Variants in PANK4 observed in about 807,000 individuals in gnomAD.
PANK4 encodes the protein 4'-phosphopantetheine phosphatase.
A neutral mutation model predicts 87.9 loss-of-function variants in PANK4; 40 were observed. The observed-to-expected ratio is 0.46, with a 90% CI of 0.35 to 0.59. PANK4 has a LOEUF of 0.59. PANK4 is among the 20% of genes least tolerant of loss of function. The pLI, the probability that PANK4 is intolerant of heterozygous loss-of-function variation, is 0.00. For synonymous variants in PANK4, 524 were observed against 467.4 expected (o/e 1.12, Z -1.56); for missense variants, 926 against 1,072.3 (o/e 0.86, Z 1.90).
chr1:2,517,369 A>G (rs1441808099), intron 9 of PANK4, among the ~76,000 whole-genome samples: 1 of 152,206 alleles, frequency 6.6e-6, no homozygotes, highest in African/African-American at 2.4e-5. Context: ...ACTGAACCCC[A>G]TGTCTACAAA....
Position 2,509,652 on chromosome 1 carries a change from C to T in PANK4, c.2108+210G>A, listed in dbSNP as rs1397454827. On this transcript the variant is annotated intron_variant, in intron 18 of 18. Coordinates refer to ENST00000378466, the MANE Select transcript of PANK4 (RefSeq NM_018216.4). This position sits in a 1 kb window ranked among gnomAD's most constrained non-coding sequence, Gnocchi z 4.9. The stretch of plus-strand genomic sequence containing the variant: ...GTCCCCAAACCCAGCCCATGTGTAA[C>T]CACCTCAGACCCTGAATCCATTCAC... 1.6e-6 allele frequency: 1 copy of T among 607,612 alleles called. No homozygotes were observed. Among genetic ancestry groups the T allele is most frequent in the East Asian group, 2.8e-5 (1 of 36,156 alleles). 37.6% of individuals were successfully genotyped at this position (607,612 alleles called of 1,614,324 possible).
At chr1:2,518,861 G>C (rs951422008) in intron 7 of PANK4, among the ~76,000 whole-genome samples, 1 of 152,250 alleles carries the variant, frequency 6.6e-6, no homozygotes, top group South Asian at 2.1e-4. Context: ...GTGGGTGGGC[G>C]TGCCTCTGCG....
At chr1:2,524,696 C>A (rs1309496681) in intron 1 of PANK4, among the ~76,000 whole-genome samples, 1 of 152,244 alleles carries the variant, frequency 6.6e-6, no homozygotes, top group African/African-American at 2.4e-5. Flanking sequence ...CACGGTGAGC[C>A]CTGTTCTCCT....
chr1:2,525,419 G>C (rs1432335629), intron 1 of PANK4, among the ~76,000 whole-genome samples: 1 of 152,082 alleles, frequency 6.6e-6, no homozygotes, highest in East Asian at 1.9e-4. Flanking sequence ...ACCGAGATGA[G>C]TGCTAAGAGG....
At chr1:2,511,585 C>A in intron 14 of PANK4, 43 bp downstream of exon 14, 1 of 1,410,400 alleles carries the variant, frequency 7.1e-7, no homozygotes, top group Non-Finnish European at 1.0e-6. Context: ...CCAGGCATGG[C>A]CCCAGCACAA....
At position 2,510,549 on chromosome 1, in the gene PANK4, G is replaced by A; in HGVS notation, c.1938+129C>T. On this transcript the variant is annotated intron_variant, in intron 16 of 18. Transcript: ENST00000378466. This position sits in a 1 kb window ranked among gnomAD's most constrained non-coding sequence, Gnocchi z 4.9. ...GACGGCTCTGGGCCGCCTCCCCCGT[G>A]CTGCTGCCTGCACCTACCTGCTGCG... 1.5e-6 allele frequency: 1 copy of A among 676,156 alleles called. No individual in the cohort carries two copies. The highest frequency in any genetic ancestry group is 2.6e-6 in the Non-Finnish European group (1 of 378,596). 41.9% of individuals were successfully genotyped at this position (676,156 alleles called of 1,614,324 possible). A position where few individuals can be genotyped will look rare whatever the true frequency, so the allele number is the denominator to read the frequency against.
chr1:2,514,179 G>A, intron 11 of PANK4, 90 bp from the exon 12 acceptor site: 5 of 1,250,204 alleles, frequency 4.0e-6, no homozygotes, highest in Non-Finnish European at 5.9e-6. Context: ...ACGTCCTCAG[G>A]AGCCCGGCAG....
intron 1 of PANK4, among the ~76,000 whole-genome samples, chr1:2,522,722 T>A (rs866541672): frequency 0.016 from 2,117 of 128,820 alleles, 24 homozygotes; most frequent in African/African-American, 0.056. Context: ...GGGCACTGTG[T>A]GTGTTATAGT....
rs762537000 is a variant in PANK4 at position 2,519,780 on chromosome 1, G to A, written c.853+21C>T. ...TGTCCCCACCATCCTGCTCTCTGGC[G>A]GCAGAGGCCGGGGTGAGCACCTTGG... On this transcript the variant is annotated intron_variant, in intron 6 of 18. Coordinates refer to ENST00000378466, the MANE Select transcript of PANK4 (RefSeq NM_018216.4). This position sits in a 1 kb window ranked among gnomAD's most constrained non-coding sequence, Gnocchi z 8.3. The A allele has an allele frequency of 1.3e-5, 21 of 1,556,422 alleles. No homozygotes were observed. The highest frequency in any genetic ancestry group is 3.8e-5 in the Admixed American group (2 of 52,830).
At position 2,510,285 on chromosome 1, in the gene PANK4, G is replaced by C; in HGVS notation, c.1939-128C>G. 1 of 689,050 alleles carries C rather than the reference G, an allele frequency of 1.5e-6. No individual in the cohort carries two copies. Among genetic ancestry groups the C allele is most frequent in the South Asian group, 1.6e-5 (1 of 61,534 alleles). The allele number at this position is 689,050 out of a possible 1,614,324, so 42.7% of individuals were successfully genotyped here. A position where few individuals can be genotyped will look rare whatever the true frequency, so the allele number is the denominator to read the frequency against. On this transcript the variant is annotated intron_variant, in intron 16 of 18. Transcript: ENST00000378466. This position sits in a 1 kb window ranked among gnomAD's most constrained non-coding sequence, Gnocchi z 4.9. ...GCCCAGCGGGCCTGGCCAGCCACCTGCTGCTGAGGAGCAGGGACCTCGCCT... is the reference window on the plus strand; with the variant it reads ...GCCCAGCGGGCCTGGCCAGCCACCTCCTGCTGAGGAGCAGGGACCTCGCCT...
chr1:2,511,775 C>A, intron 13 of PANK4, 92 bp from the exon 14 acceptor site: 1 of 764,338 alleles, frequency 1.3e-6, no homozygotes, highest in Non-Finnish European at 2.3e-6. Context: ...CCCTCCCAGG[C>A]GGGACAGAGG....
Position 2,519,103 on chromosome 1 carries a change from G to C in PANK4, c.1035+40C>G. The C allele has an allele frequency of 6.4e-7, 1 of 1,568,254 alleles. No individual in the cohort carries two copies. The highest frequency in any genetic ancestry group is 8.7e-7 in the Non-Finnish European group (1 of 1,145,834). On this transcript the variant is annotated intron_variant, in intron 7 of 18. Coordinates refer to ENST00000378466, the MANE Select transcript of PANK4 (RefSeq NM_018216.4). The surrounding 1 kb of genome is among the most constrained non-coding windows in gnomAD (Gnocchi z 8.3). ...ATGACTGATTGGGAAGATCCTGGGG[G>C]GTCTGCGTTAGAGGCTGGGGAGGGC...
chr1:2,518,155 A>G lies in PANK4; in HGVS notation c.1218+9T>C, dbSNP rs1012732691. 4 of 1,583,860 alleles carry G rather than the reference A, an allele frequency of 2.5e-6. No individual in the cohort carries two copies. The highest frequency in any genetic ancestry group is 2.7e-5 in the African/African-American group (2 of 74,358). ...CTGGGGCCCGGGGCGGCCAGAGCCCACTACTCACAGTGCCACTCCGCGCCC... is the reference window on the plus strand; with the variant it reads ...CTGGGGCCCGGGGCGGCCAGAGCCCGCTACTCACAGTGCCACTCCGCGCCC... On this transcript the variant is annotated intron_variant, in intron 9 of 18. Coordinates refer to ENST00000378466, the MANE Select transcript of PANK4 (RefSeq NM_018216.4).
At chr1:2,518,847 G>A (rs1370426923) in intron 7 of PANK4, among the ~76,000 whole-genome samples, 1 of 152,358 alleles carries the variant, frequency 6.6e-6, no homozygotes, top group East Asian at 1.9e-4. Context: ...TCTGCGTCAG[G>A]CATGTGGGTG....
At chr1:2,524,358 G>A (rs575893898) in intron 1 of PANK4, among the ~76,000 whole-genome samples, 1 of 152,258 alleles carries the variant, frequency 6.6e-6, no homozygotes, top group South Asian at 2.1e-4. Flanking sequence ...CTTTGGCTTT[G>A]AGGGTTCCTG....
chr1:2,526,541 A>G lies in PANK4; in HGVS notation c.47T>C (p.Leu16Pro). The G allele has an allele frequency of 1.2e-6, 2 of 1,601,472 alleles. No homozygotes were observed. Among genetic ancestry groups the G allele is most frequent in the South Asian group, 1.1e-5 (1 of 89,846 alleles). Residue 16 changes from leucine (L) to proline (P), a missense_variant, in exon 1 of 19, where the codon CTG (leucine) becomes CCG (proline). Physicochemically the swap from Leu to Pro is moderately conservative, Grantham distance 98 (BLOSUM62 -3). Coordinates refer to ENST00000378466, the MANE Select transcript of PANK4 (RefSeq NM_018216.4). ...ASGSGSSGDSLDKSITLPPDE... is the reference protein window; with the variant it reads ...ASGSGSSGDSPDKSITLPPDE... ...GGGGGGCAGCGTGATGCTCTTGTCC[A>G]GACTGTCCCCGCTGCTCCCGCTGCC...
At position 2,519,504 on chromosome 1, in the gene PANK4, C is replaced by T. The variant is rs1228081739; in HGVS notation, c.854-180G>A. Among the ~76,000 whole-genome samples, 5 of 151,522 alleles carry T rather than the reference C, an allele frequency of 3.3e-5. No individual in the cohort carries two copies. Among genetic ancestry groups the T allele is most frequent in the East Asian group, 3.9e-4 (2 of 5,124 alleles). ...ACTGGAGCCCAAGTGCGGGAGGCTGCGTGTGATGTGTGAATCATTCCTGGA... is the reference window on the plus strand; with the variant it reads ...ACTGGAGCCCAAGTGCGGGAGGCTGTGTGTGATGTGTGAATCATTCCTGGA... On this transcript the variant is annotated intron_variant, in intron 6 of 18. Transcript: ENST00000378466. The surrounding 1 kb of genome is among the most constrained non-coding windows in gnomAD (Gnocchi z 8.3).
At chr1:2,522,988 CTA>C (rs1166280643) in intron 1 of PANK4, among the ~76,000 whole-genome samples, 1 of 148,898 alleles carries the variant, frequency 6.7e-6, no homozygotes, top group Non-Finnish European at 1.5e-5. Flanking sequence ...CTGGATGGTG[CTA>C]TAGTGACTTA....
At chr1:2,516,613 G>A (rs1368291806) in intron 9 of PANK4, among the ~76,000 whole-genome samples, 1 of 152,162 alleles carries the variant, frequency 6.6e-6, no homozygotes, top group East Asian at 1.9e-4. Flanking sequence ...ACCCCTGCTG[G>A]CAACCCCTGG....
Sources: allele counts gnomAD v4.1 joint callset (sites outside exome capture counted in the v4.1 genomes callset), GRCh38; gene constraint gnomAD v4.1.1; non-coding constraint Gnocchi (gnomAD v3.1); transcripts MANE v1.5; gene names NCBI Gene and HGNC (gene_info 2026-07-23, HGNC 2026-07-21).